Variants in AXDND1 observed in about 807,000 individuals in gnomAD.
AXDND1 encodes the protein axonemal dynein light chain domain-containing protein 1.
Under a neutral mutation model 137.5 loss-of-function variants are expected in AXDND1, and 110 were observed. The observed-to-expected ratio is 0.80, with a 90% CI of 0.69 to 0.94. The LOEUF is 0.94. Ranked by LOEUF, AXDND1 falls within the 40% of genes least tolerant of loss-of-function variation. The probability of loss-of-function intolerance (pLI) is 0.00; values close to 1 mark genes in which losing one functional copy is unlikely to be tolerated. For missense variants in AXDND1, 1,191 were observed against 1,169.8 expected (o/e 1.02, Z -0.26); for synonymous variants, 414 against 399.7 (o/e 1.04, Z -0.43).
chr1:179,392,330 A>G (rs1307329625), intron 9 of AXDND1, among the ~76,000 whole-genome samples: 1 of 152,244 alleles, frequency 6.6e-6, no homozygotes, highest in Admixed American at 6.5e-5. Flanking sequence ...GCTAAGTAGT[A>G]TTCCATAGTG....
intron 12 of AXDND1, among the ~76,000 whole-genome samples, chr1:179,420,586 CTT>C (rs1215904214): frequency 6.7e-6 from 1 of 149,716 alleles, no homozygotes; most frequent in Admixed American, 6.6e-5. Context: ...TGATGGGAGA[CTT>C]TGTGTTATGG....
intron 25 of AXDND1, among the ~76,000 whole-genome samples, chr1:179,549,681 C>T (rs187418780): frequency 6.6e-6 from 1 of 152,090 alleles, no homozygotes; most frequent in Admixed American, 6.5e-5. Context: ...ATCCTGAGAT[C>T]AGGAACCGTC....
At chr1:179,435,056 G>T (rs1230630040) in intron 15 of AXDND1, among the ~76,000 whole-genome samples, 1 of 151,934 alleles carries the variant, frequency 6.6e-6, no homozygotes, top group East Asian at 1.9e-4. Flanking sequence ...CAATATACAA[G>T]CAGAGAGCCA....
At chr1:179,462,603 A>G (rs1662516504) in intron 16 of AXDND1, among the ~76,000 whole-genome samples, 1 of 152,162 alleles carries the variant, frequency 6.6e-6, no homozygotes, top group Admixed American at 6.5e-5. Flanking sequence ...ATTGATTGGA[A>G]TAGTTTCAGA....
intron 11 of AXDND1, among the ~76,000 whole-genome samples, chr1:179,409,293 G>A (rs1372651329): frequency 6.6e-6 from 1 of 151,704 alleles, no homozygotes; most frequent in Admixed American, 6.6e-5. Context: ...TTTGTATGTT[G>A]ATTTTGTATC....
At chr1:179,463,171 T>A (rs1483213699) in intron 16 of AXDND1, among the ~76,000 whole-genome samples, 1 of 152,250 alleles carries the variant, frequency 6.6e-6, no homozygotes, top group Non-Finnish European at 1.5e-5. Flanking sequence ...CTTTTGAATG[T>A]GTTTGCTCTT....
chr1:179,486,939 T>C (rs1666148792), intron 18 of AXDND1, among the ~76,000 whole-genome samples: 1 of 148,526 alleles, frequency 6.7e-6, no homozygotes, highest in Non-Finnish European at 1.5e-5. Context: ...GCTAACAACA[T>C]GATGACAGGA....
chr1:179,534,727 C>T lies in AXDND1; in HGVS notation c.2799-3C>T. On this transcript the variant is annotated splice_region_variant and splice_polypyrimidine_tract_variant and intron_variant, in intron 24 of 25. Coordinates refer to ENST00000367618, the MANE Select transcript of AXDND1 (RefSeq NM_144696.6). The stretch of plus-strand genomic sequence containing the variant: ...TTTTGTTGTGTCTTCTCTTCCATAT[C>T]AGGGAGGTTGAAAATAGAGCCAGAC... 1 of 1,572,078 alleles carries T rather than the reference C, an allele frequency of 6.4e-7. No homozygotes were observed. The highest frequency in any genetic ancestry group is 8.6e-7 in the Non-Finnish European group (1 of 1,168,766).
chr1:179,488,630 CTCTCCTTTCTTTCTTTCTTTCTTTCTT>C lies in AXDND1; in HGVS notation c.2092-2904_2092-2878del, dbSNP rs1558256089. ...TTTCTTTCTTTCTTTCTCTCTCTCTCTCTCCTTTCTTTCTTTCTTTCTTTCTTTCTTTCTTTCTTTCTTTCTTTCTTT... is the reference window on the plus strand; with the variant it reads ...TTTCTTTCTTTCTTTCTCTCTCTCTCTCTTTCTTTCTTTCTTTCTTTCTTT... On this transcript the variant is annotated intron_variant, in intron 18 of 25. Coordinates refer to ENST00000367618, the MANE Select transcript of AXDND1 (RefSeq NM_144696.6). Among the ~76,000 whole-genome samples, 56 of 60,138 alleles carry C rather than the reference CTCTCCTTTCTTTCTTTCTTTCTTTCTT, an allele frequency of 9.3e-4. 6 individuals are homozygous for C. Among genetic ancestry groups the C allele is most frequent in the Admixed American group, 7.8e-3 (49 of 6,322 alleles). 39.5% of individuals were successfully genotyped at this position (60,138 alleles called of 152,430 possible). A position where few individuals can be genotyped will look rare whatever the true frequency, so the allele number is the denominator to read the frequency against.
At chr1:179,460,199 C>G (rs545183544) in intron 16 of AXDND1, among the ~76,000 whole-genome samples, 1 of 151,946 alleles carries the variant, frequency 6.6e-6, no homozygotes, top group African/African-American at 2.4e-5. Flanking sequence ...CACCTCCCCC[C>G]ACCCCACGAC....
chr1:179,544,604 G>T (rs1672472170), intron 25 of AXDND1: 3 of 146,586 alleles, frequency 2.0e-5, no homozygotes, highest in African/African-American at 7.5e-5. Context: ...AACCCAGGAG[G>T]TGGAGGTTGC....
rs1410196274 is a variant in AXDND1, at chr1:179,552,583, T to C, written c.3032-1929T>C. On this transcript the variant is annotated intron_variant, in intron 25 of 25. Coordinates refer to ENST00000367618, the MANE Select transcript of AXDND1 (RefSeq NM_144696.6). ...AGGCCTTCCTAAAGGGCAGTCTGGGTGGGAGGATGGAGTGCTCACCCGCAC... is the reference window on the plus strand; with the variant it reads ...AGGCCTTCCTAAAGGGCAGTCTGGGCGGGAGGATGGAGTGCTCACCCGCAC... The C allele has an allele frequency of 3.1e-6, 5 of 1,606,638 alleles. No homozygotes were observed. Among genetic ancestry groups the C allele is most frequent in the Non-Finnish European group, 4.3e-6 (5 of 1,174,030 alleles).
intron 16 of AXDND1, among the ~76,000 whole-genome samples, chr1:179,465,065 C>T (rs1019581769): frequency 1.3e-5 from 2 of 152,074 alleles, no homozygotes; most frequent in Admixed American, 6.6e-5. Flanking sequence ...TTTGAACATC[C>T]TCCTTTAGCT....
At chr1:179,441,389 A>G (rs1658968364) in intron 15 of AXDND1, among the ~76,000 whole-genome samples, 1 of 152,220 alleles carries the variant, frequency 6.6e-6, no homozygotes, top group African/African-American at 2.4e-5. Flanking sequence ...GTCAACTGCC[A>G]AATTAGCCAT....
rs1667860835 is a variant in AXDND1, at chr1:179,369,888, ATACAG to A, written c.271-83_271-79del. 5.0e-6 allele frequency: 5 copies of A among 996,668 alleles called. No homozygotes were observed. The South Asian group carries it at 6.1e-5, about 12-fold the overall frequency. The allele number at this position is 996,668 out of a possible 1,614,324, so 61.7% of individuals were successfully genotyped here. On this transcript the variant is annotated intron_variant, in intron 3 of 25. Transcript: ENST00000367618. ...GAGTACCCAAGTGCCCTTAATGTAA[ATACAG>A]TACTTACTCAAAACTATTAATACAT... is the stretch of plus-strand genomic sequence containing the variant.
chr1:179,365,948 A>T (rs1304429665), upstream of AXDND1: 1 of 153,170 alleles, frequency 6.5e-6, no homozygotes, highest in Non-Finnish European at 1.5e-5. Flanking sequence ...CTGGGTTTCT[A>T]TGACGACAAA....
intron 9 of AXDND1, among the ~76,000 whole-genome samples, chr1:179,385,943 C>T (rs1189624338): frequency 6.6e-6 from 1 of 151,936 alleles, no homozygotes; most frequent in African/African-American, 2.4e-5. Context: ...ATGTTGTTGC[C>T]CTACTCTCAT....
intron 21 of AXDND1, 78 bp from the exon 22 acceptor site, chr1:179,525,256 T>A (rs1409299993): frequency 5.0e-6 from 7 of 1,388,668 alleles, no homozygotes; most frequent in Non-Finnish European, 6.8e-6. Context: ...GCAGGATTAG[T>A]GCTCATTAAA....
At chr1:179,517,487 T>C (rs1669655353) in intron 21 of AXDND1, among the ~76,000 whole-genome samples, 2 of 152,236 alleles carry the variant, frequency 1.3e-5, no homozygotes, top group Non-Finnish European at 2.9e-5. Flanking sequence ...CCGATTCAAA[T>C]TGTTACAAAG....
Sources: allele counts gnomAD v4.1 joint callset (sites outside exome capture counted in the v4.1 genomes callset), GRCh38; gene constraint gnomAD v4.1.1; transcripts MANE v1.5; gene names NCBI Gene and HGNC (gene_info 2026-07-23, HGNC 2026-07-21).